Variants in THSD7B observed in about 807,000 individuals in gnomAD.
THSD7B encodes thrombospondin type 1 domain containing 7B.
THSD7B carries 138 observed loss-of-function variants against 213.6 expected under a neutral mutation model. The ratio of observed to expected loss-of-function variants is 0.65; its 90% CI spans 0.56 to 0.74. THSD7B has a LOEUF of 0.74. Among genes scored for constraint, THSD7B ranks in the 30% least tolerant of loss-of-function variants. The pLI, the probability that THSD7B is intolerant of heterozygous loss-of-function variation, is 0.00. For missense variants in THSD7B, 1,931 were observed against 1,991.5 expected (o/e 0.97, Z 0.58); for synonymous variants, 742 against 687.0 (o/e 1.08, Z -1.25).
At chr2:136,896,577 T>G (rs1203581649) in intron 2 of THSD7B, among the ~76,000 whole-genome samples, 1 of 152,122 alleles carries the variant, frequency 6.6e-6, no homozygotes, top group African/African-American at 2.4e-5. Flanking sequence ...TTTAAAAAAA[T>G]TAATGGATTA....
intron 1 of THSD7B, among the ~76,000 whole-genome samples, chr2:136,797,226 T>G (rs1007734296): frequency 6.6e-6 from 1 of 151,910 alleles, no homozygotes; most frequent in Non-Finnish European, 1.5e-5. Context: ...ATTATTCAAG[T>G]TTCTGCTGGT....
chr2:137,389,402 A>ATTTTTTTTTTTTTTTTTTTTTTTT (rs70978214), intron 12 of THSD7B, among the ~76,000 whole-genome samples: 2 of 38,052 alleles, frequency 5.3e-5, no homozygotes, highest in Non-Finnish European at 8.8e-5. Flanking sequence ...TCTTAATGTG[A>ATTTTTTTTTTTTTTTTTTTTTTTT]TTTTTTTTTT....
intron 3 of THSD7B, among the ~76,000 whole-genome samples, chr2:137,091,548 C>CACTT (rs1687949111): frequency 6.6e-6 from 1 of 151,204 alleles, no homozygotes; most frequent in Non-Finnish European, 1.5e-5. Context: ...TTCATTCACT[C>CACTT]ACTTCTGGAG....
At chr2:137,165,561 T>C (rs570698518) in intron 6 of THSD7B, among the ~76,000 whole-genome samples, 2 of 152,136 alleles carry the variant, frequency 1.3e-5, no homozygotes, top group African/African-American at 4.8e-5. Context: ...CCAGGATCAC[T>C]GAGTGGTACA....
intron 2 of THSD7B, among the ~76,000 whole-genome samples, chr2:137,041,873 C>A (rs765882120): frequency 2.6e-5 from 4 of 152,134 alleles, no homozygotes; most frequent in African/African-American, 9.7e-5. Flanking sequence ...AGTAAAACCC[C>A]AGCACAGCAC....
At chr2:136,876,534 G>A (rs1306511661) in intron 1 of THSD7B, among the ~76,000 whole-genome samples, 4 of 152,190 alleles carry the variant, frequency 2.6e-5, no homozygotes, top group South Asian at 2.1e-4. Context: ...CCACCATTCC[G>A]TAGAAGTGGA....
At chr2:137,242,221 A>G (rs1054856309) in intron 9 of THSD7B, among the ~76,000 whole-genome samples, 2 of 152,050 alleles carry the variant, frequency 1.3e-5, no homozygotes, top group Admixed American at 1.3e-4. Flanking sequence ...TTATTTTTTT[A>G]CTGGTGTAGT....
chr2:137,512,507 T>A (rs1679988023), intron 15 of THSD7B, among the ~76,000 whole-genome samples: 1 of 140,718 alleles, frequency 7.1e-6, no homozygotes, highest in South Asian at 2.4e-4. Context: ...TCCTCCCACC[T>A]CAGCCTCCCG....
Position 136,945,028 on chromosome 2 carries a change from G to A in THSD7B, c.139+62711G>A, listed in dbSNP as rs187510363. 5.3e-4 allele frequency among the ~76,000 whole-genome samples: 80 copies of A among 152,198 alleles called. No individual in the cohort carries two copies. In the East Asian group the frequency reaches 9.9e-3, roughly 19 times the overall value. On this transcript the variant is annotated intron_variant, in intron 2 of 27. Coordinates refer to ENST00000409968, the MANE Select transcript of THSD7B (RefSeq NM_001316349.2). ...GCATGTTTTTGCAGTGGCTGGTACC[G>A]GTTGTTCCTTTCCATTTTTAGTGCC... is the stretch of plus-strand genomic sequence containing the variant.
intron 15 of THSD7B, among the ~76,000 whole-genome samples, chr2:137,497,753 C>T (rs977959974): frequency 3.9e-5 from 6 of 152,024 alleles, no homozygotes; most frequent in Admixed American, 6.6e-5. Context: ...TAAAATTACC[C>T]TCATGAAATA....
At chr2:137,455,884 C>T (rs1299319869) in intron 15 of THSD7B, among the ~76,000 whole-genome samples, 1 of 152,122 alleles carries the variant, frequency 6.6e-6, no homozygotes, top group Non-Finnish European at 1.5e-5. Context: ...AATATGAGGA[C>T]ATTAAAGCCC....
At chr2:137,338,033 T>C (rs2104903213) in intron 12 of THSD7B, among the ~76,000 whole-genome samples, 1 of 152,248 alleles carries the variant, frequency 6.6e-6, no homozygotes, top group East Asian at 1.9e-4. Flanking sequence ...ATTTTCATTC[T>C]TAATGCTTCT....
At chr2:137,497,603 ATGTGTG>A (rs3048506) in intron 15 of THSD7B, among the ~76,000 whole-genome samples, 8 of 151,086 alleles carry the variant, frequency 5.3e-5, no homozygotes, top group Admixed American at 5.3e-4. Context: ...ATATATATGT[ATGTGTG>A]TGTGTGTGTT....
chr2:136,798,693 C>T (rs1682116007), intron 1 of THSD7B, among the ~76,000 whole-genome samples: 7 of 151,994 alleles, frequency 4.6e-5, no homozygotes, highest in Admixed American at 4.6e-4. Context: ...GGCCAGTAAA[C>T]ATTTTTACTC....
At chr2:137,412,005 C>T (rs1295769965) in intron 14 of THSD7B, 133 bp downstream of exon 14, 6 of 1,054,174 alleles carry the variant, frequency 5.7e-6, no homozygotes, top group Admixed American at 2.8e-5. Flanking sequence ...CACATTGTCT[C>T]TCATAAAATA....
At chr2:136,961,334 C>T (rs1685215270) in intron 2 of THSD7B, among the ~76,000 whole-genome samples, 1 of 150,082 alleles carries the variant, frequency 6.7e-6, no homozygotes, top group Admixed American at 6.7e-5. Context: ...CATTCTCTTG[C>T]CTCAGCCTCC....
chr2:137,659,727 C>G lies in THSD7B; in HGVS notation c.4439C>G (p.Pro1480Arg). ...IRQCIPACRK[P>R]FSYCTQGGVC... Reference sequence around the variant, plus strand: ...CAGTGCATTCCAGCCTGCAGAAAACCTTTCTCCTACTGTACACAGGTGAGT... The same window carrying G: ...CAGTGCATTCCAGCCTGCAGAAAACGTTTCTCCTACTGTACACAGGTGAGT... Residue 1480 changes from proline to arginine, a missense_variant, in exon 25 of 28, where the codon CCT (proline) becomes CGT (arginine). Coordinates refer to ENST00000409968, the MANE Select transcript of THSD7B (RefSeq NM_001316349.2). 2.5e-6 allele frequency: 4 copies of G among 1,603,220 alleles called. No homozygotes were observed. In the South Asian group the frequency reaches 3.4e-5, roughly 14 times the overall value.
chr2:137,131,161 G>T (rs1020792782), intron 5 of THSD7B, among the ~76,000 whole-genome samples: 20 of 140,992 alleles, frequency 1.4e-4, no homozygotes, highest in African/African-American at 5.1e-4. Context: ...GTGTTTTTTG[G>T]CTGCATAAGT....
rs938484255 is a variant in THSD7B, at chr2:136,940,593, T to C, written c.139+58276T>C. Among the ~76,000 whole-genome samples the C allele has an allele frequency of 4.6e-5, 7 of 151,936 alleles. No homozygotes were observed. In the East Asian group the frequency reaches 9.7e-4, roughly 21 times the overall value. ...TTTCAGTAGAGACAGGGTTTCACCA[T>C]GTTGCCCAGGCTGGTCTTGAACTCT... On this transcript the variant is annotated intron_variant, in intron 2 of 27. Transcript: ENST00000409968.
Sources: gnomAD v4.1 joint callset for allele counts (sites outside exome capture counted in the v4.1 genomes callset) on GRCh38, gnomAD v4.1.1 for gene constraint, MANE v1.5 for transcripts, NCBI Gene and HGNC (gene_info 2026-07-23, HGNC 2026-07-21) for gene names.